Variants in GTF2E2 observed in about 807,000 individuals in gnomAD.
GTF2E2 encodes general transcription factor IIE subunit 2.
A neutral mutation model predicts 40.5 loss-of-function variants in GTF2E2; 21 were observed. That is an observed-to-expected ratio of 0.52 (90% CI 0.37 to 0.75). GTF2E2 has a LOEUF of 0.75. Among genes scored for constraint, GTF2E2 ranks in the 30% least tolerant of loss-of-function variants. The probability of loss-of-function intolerance (pLI) is 0.00; values close to 1 mark genes in which losing one functional copy is unlikely to be tolerated. For missense variants in GTF2E2, 298 were observed against 338.4 expected (o/e 0.88, Z 0.94); for synonymous variants, 117 against 121.6 (o/e 0.96, Z 0.25).
chr8:30,599,670 A>AAT (rs1829116567), intron 6 of GTF2E2, among the ~76,000 whole-genome samples: 1 of 151,902 alleles, frequency 6.6e-6, no homozygotes, highest in South Asian at 2.1e-4. Context: ...AACAAAATAG[A>AAT]ATACCATGTA....
At chr8:30,591,140 A>G (rs1033125904) in intron 6 of GTF2E2, among the ~76,000 whole-genome samples, 1 of 152,256 alleles carries the variant, frequency 6.6e-6, no homozygotes, top group Non-Finnish European at 1.5e-5. Context: ...ATAAAAGCAC[A>G]AAACAATTTT....
rs745907229 is a variant in GTF2E2, at chr8:30,612,362, T to C, written c.486A>G (p.Gly162=). 1.9e-6 allele frequency: 3 copies of C among 1,613,094 alleles called. No homozygotes were observed. Among genetic ancestry groups the C allele is most frequent in the Non-Finnish European group, 2.5e-6 (3 of 1,179,114 alleles). The change falls in exon 5 of 8, where the codon GGA becomes GGG. Residue 162 remains glycine, a synonymous_variant. Transcript: ENST00000355904. ...TGTCTTCTAAAAGAATTCCTCCTAA[T>C]CCTCGCTGGTCATGCTGATCTAAGA... ...LRLLDQHDQR[G]LGGILLEDIE... is the part of the protein sequence containing the mutation.
intron 4 of GTF2E2, among the ~76,000 whole-genome samples, chr8:30,613,941 A>G (rs1800822234): frequency 6.6e-6 from 1 of 152,210 alleles, no homozygotes; most frequent in African/African-American, 2.4e-5. Context: ...TTTTTTCCAC[A>G]TCAAGCCATA....
chr8:30,615,329 AT>A (rs1800887957), intron 3 of GTF2E2, among the ~76,000 whole-genome samples: 1 of 152,122 alleles, frequency 6.6e-6, no homozygotes, highest in East Asian at 1.9e-4. Flanking sequence ...AAACGCGCAG[AT>A]TGCAAAAAAT....
chr8:30,596,283 C>T (rs1417661221), intron 6 of GTF2E2, among the ~76,000 whole-genome samples: 1 of 152,192 alleles, frequency 6.6e-6, no homozygotes, highest in African/African-American at 2.4e-5. Flanking sequence ...ATTCAGACCA[C>T]TTGATATTGT....
intron 6 of GTF2E2, among the ~76,000 whole-genome samples, chr8:30,588,976 G>A (rs12548308): frequency 0.35 from 53,462 of 152,034 alleles, 9,452 homozygotes; most frequent in African/African-American, 0.4. Context: ...TGGCCTGGCC[G>A]GGCACAGTGG....
At chr8:30,616,588 T>C (rs1268714916) in intron 3 of GTF2E2, among the ~76,000 whole-genome samples, 1 of 152,134 alleles carries the variant, frequency 6.6e-6, no homozygotes, top group Non-Finnish European at 1.5e-5. Context: ...TAGGTCATTA[T>C]ACACTTGTCC....
At chr8:30,652,220 G>A (rs896636568) in intron 2 of GTF2E2, among the ~76,000 whole-genome samples, 1 of 151,950 alleles carries the variant, frequency 6.6e-6, no homozygotes, top group Non-Finnish European at 1.5e-5. Flanking sequence ...AACTGGTAAG[G>A]TGGACTTCAT....
intron 6 of GTF2E2, among the ~76,000 whole-genome samples, chr8:30,600,437 T>C (rs1332991473): frequency 6.6e-6 from 1 of 152,226 alleles, no homozygotes; most frequent in Non-Finnish European, 1.5e-5. Context: ...CTTTTATTTA[T>C]ATTCACTCAT....
chr8:30,658,163 G>T lies in GTF2E2; in HGVS notation c.-195C>A. 5.1e-6 allele frequency: 1 copy of T among 196,006 alleles called. No individual in the cohort carries two copies. Among genetic ancestry groups the T allele is most frequent in the Non-Finnish European group, 1.0e-5 (1 of 96,756 alleles). The allele number at this position is 196,006 out of a possible 1,614,324, so 12.1% of individuals were successfully genotyped here. ...GGCGGTGGCGGCGGCGGCGGCGGCA[G>T]CGGCGGTAGCTGAGGCGGCGACTGG... is the stretch of plus-strand genomic sequence containing the variant. On this transcript the variant is annotated 5_prime_UTR_variant, in exon 1 of 8. It adds an upstream start codon to the 5' untranslated region. Coordinates refer to ENST00000355904, the MANE Select transcript of GTF2E2 (RefSeq NM_002095.6).
chr8:30,593,853 C>T, intron 6 of GTF2E2, among the ~76,000 whole-genome samples: 1 of 152,124 alleles, frequency 6.6e-6, no homozygotes. Context: ...ATATAGCCAC[C>T]CTAGCTTTCC....
intron 5 of GTF2E2, among the ~76,000 whole-genome samples, chr8:30,611,043 G>C (rs1373289274): frequency 6.6e-6 from 1 of 152,176 alleles, no homozygotes; most frequent in East Asian, 1.9e-4. Context: ...GTACAACATG[G>C]ATGAACCTTG....
At chr8:30,620,263 C>CAA (rs1801054272) in intron 3 of GTF2E2, among the ~76,000 whole-genome samples, 2 of 151,974 alleles carry the variant, frequency 1.3e-5, no homozygotes, top group Middle Eastern at 3.4e-3. Flanking sequence ...CACACAAACA[C>CAA]ACACACACAC....
At chr8:30,607,807 G>C (rs901491997) in intron 5 of GTF2E2, among the ~76,000 whole-genome samples, 8 of 152,068 alleles carry the variant, frequency 5.3e-5, no homozygotes, top group Non-Finnish European at 1.2e-4. Flanking sequence ...TCTACCTTGA[G>C]ATATTTCGCT....
At chr8:30,613,690 T>C (rs1800812261) in intron 4 of GTF2E2, among the ~76,000 whole-genome samples, 2 of 152,242 alleles carry the variant, frequency 1.3e-5, no homozygotes, top group Admixed American at 6.5e-5. Context: ...TGTTACATTA[T>C]AAAAGTCAAG....
At chr8:30,613,493 AAAGAG>A (rs1163517192) in intron 4 of GTF2E2, among the ~76,000 whole-genome samples, 1 of 152,212 alleles carries the variant, frequency 6.6e-6, no homozygotes, top group Non-Finnish European at 1.5e-5. Context: ...CTGAAAGGAG[AAAGAG>A]AAGAAACACA....
intron 6 of GTF2E2, among the ~76,000 whole-genome samples, chr8:30,602,340 A>C (rs1468195647): frequency 2.6e-5 from 4 of 152,146 alleles, no homozygotes; most frequent in Admixed American, 2.6e-4. Flanking sequence ...TAAACCATAA[A>C]AAATATATTT....
intron 6 of GTF2E2, among the ~76,000 whole-genome samples, chr8:30,591,656 ACCTT>A (rs1471575032): frequency 6.6e-6 from 1 of 152,194 alleles, no homozygotes; most frequent in African/African-American, 2.4e-5. Flanking sequence ...GGAAAGCAGA[ACCTT>A]CCTAAGTTGC....
intron 1 of GTF2E2, chr8:30,657,022 C>G (rs947844427): frequency 6.6e-6 from 1 of 152,100 alleles, no homozygotes; most frequent in Admixed American, 6.5e-5. Flanking sequence ...CTCAAGTGCT[C>G]CTTACACCAG....
Sources: allele counts gnomAD v4.1 joint callset (sites outside exome capture counted in the v4.1 genomes callset), GRCh38; gene constraint gnomAD v4.1.1; transcripts MANE v1.5; gene names NCBI Gene and HGNC (gene_info 2026-07-23, HGNC 2026-07-21).